HOMER1: variants seen among roughly 807,000 people sequenced by gnomAD.
HOMER1 encodes homer scaffold protein 1.
Under a neutral mutation model 48.9 loss-of-function variants are expected in HOMER1, and 3 were observed. The observed-to-expected ratio is 0.06, with a 90% CI of 0.03 to 0.16. The LOEUF is 0.16. Among genes scored for constraint, HOMER1 ranks in the 10% least tolerant of loss-of-function variants. HOMER1 has a pLI of 1.00. For missense variants in HOMER1, 247 were observed against 411.4 expected (o/e 0.60, Z 3.46); for synonymous variants, 134 against 146.4 (o/e 0.92, Z 0.61).
chr5:79,406,812 A>G (rs760822081), intron 5 of HOMER1, among the ~76,000 whole-genome samples: 2 of 152,208 alleles, frequency 1.3e-5, no homozygotes, highest in African/African-American at 2.4e-5. Flanking sequence ...CTCCTACACA[A>G]GACTCTCAAC....
intron 5 of HOMER1, among the ~76,000 whole-genome samples, chr5:79,402,400 C>T (rs1294689475): frequency 6.6e-6 from 1 of 152,100 alleles, no homozygotes; most frequent in Non-Finnish European, 1.5e-5. Flanking sequence ...AACTCCTGAC[C>T]TCAGGTGATC....
At chr5:79,383,221 T>C (rs1749025645) in intron 8 of HOMER1, among the ~76,000 whole-genome samples, 1 of 152,018 alleles carries the variant, frequency 6.6e-6, no homozygotes, top group Non-Finnish European at 1.5e-5. Flanking sequence ...AAAGTAAATA[T>C]TACTAGATTG....
intron 1 of HOMER1, among the ~76,000 whole-genome samples, chr5:79,490,756 ACC>A (rs1402967264): frequency 1.4e-5 from 2 of 141,588 alleles, no homozygotes; most frequent in Admixed American, 7.3e-5. Flanking sequence ...GTATAGCAAG[ACC>A]CCATCTCTAC....
chr5:79,402,015 G>C lies in HOMER1; in HGVS notation c.568C>G (p.Leu190Val), dbSNP rs1462051592. 1.2e-6 allele frequency: 2 copies of C among 1,613,862 alleles called. No individual in the cohort carries two copies. The highest frequency in any genetic ancestry group is 1.7e-5 in the Admixed American group (1 of 60,006). The change falls in exon 6 of 9, where the codon CTC becomes GTC. Residue 190 changes from leucine to valine, a missense_variant. Around this residue, in one of 4 missense-constraint regions of HOMER1, gnomAD observed 94 missense variants for 112.4 expected, o/e 0.84. Coordinates refer to ENST00000334082, the MANE Select transcript of HOMER1 (RefSeq NM_004272.5). ...GTGAGTTTGGCATTATTTCCTTTGA[G>C]GGTAGCCAGTTCAGCCTCCCAATGT... is the stretch of plus-strand genomic sequence containing the variant. ...SKHWEAELAT[L>V]KGNNAKLTAA... is the part of the protein sequence containing the mutation.
intron 1 of HOMER1, among the ~76,000 whole-genome samples, chr5:79,479,965 G>T (rs1751900947): frequency 6.6e-6 from 1 of 152,274 alleles, no homozygotes; most frequent in South Asian, 2.1e-4. Flanking sequence ...GTAATTTGAT[G>T]AAAATTAAAG....
At chr5:79,388,105 C>G (rs1434266847) in intron 8 of HOMER1, among the ~76,000 whole-genome samples, 1 of 151,780 alleles carries the variant, frequency 6.6e-6, no homozygotes, top group Non-Finnish European at 1.5e-5. Flanking sequence ...GTGTGAATGC[C>G]AGAATACTGA....
At chr5:79,455,568 C>G (rs1751151893) in intron 2 of HOMER1, among the ~76,000 whole-genome samples, 1 of 152,174 alleles carries the variant, frequency 6.6e-6, no homozygotes, top group Non-Finnish European at 1.5e-5. Flanking sequence ...AAACCTCTTT[C>G]CTTTATAAAT....
intron 6 of HOMER1, among the ~76,000 whole-genome samples, chr5:79,399,112 A>C (rs552335523): frequency 6.6e-6 from 1 of 152,332 alleles, no homozygotes; most frequent in East Asian, 1.9e-4. Flanking sequence ...AATAGTTTTT[A>C]TTGGAGTAAC....
intron 1 of HOMER1, among the ~76,000 whole-genome samples, chr5:79,458,285 T>G (rs1157373707): frequency 3.9e-5 from 6 of 152,078 alleles, no homozygotes. Context: ...TTATCAAGCT[T>G]GTTTTTTTAA....
chr5:79,457,145 A>C (rs1201921833), intron 1 of HOMER1, 127 bp from the exon 2 acceptor site: 11 of 861,956 alleles, frequency 1.3e-5, no homozygotes, highest in Non-Finnish European at 2.0e-5. Flanking sequence ...AAGTAAGAGA[A>C]ACTTTCAAAT....
At chr5:79,451,556 CTTTTT>C (rs71615542) in intron 2 of HOMER1, among the ~76,000 whole-genome samples, 4 of 64,640 alleles carry the variant, frequency 6.2e-5, no homozygotes, top group East Asian at 6.5e-4. Flanking sequence ...AAATATGACA[CTTTTT>C]TTTTTTTTTT....
intron 5 of HOMER1, among the ~76,000 whole-genome samples, chr5:79,433,766 G>T (rs1305050761): frequency 6.6e-6 from 1 of 152,090 alleles, no homozygotes; most frequent in Non-Finnish European, 1.5e-5. Flanking sequence ...GTTTTAGAGT[G>T]TTTCTAAAAC....
At chr5:79,476,515 G>A (rs1441839657) in intron 1 of HOMER1, among the ~76,000 whole-genome samples, 2 of 152,106 alleles carry the variant, frequency 1.3e-5, no homozygotes, top group Non-Finnish European at 2.9e-5. Context: ...CAGAAATTCT[G>A]ACCAACTGGC....
chr5:79,487,661 T>C (rs182338085), intron 1 of HOMER1, among the ~76,000 whole-genome samples: 131 of 152,232 alleles, frequency 8.6e-4, no homozygotes, highest in Non-Finnish European at 1.4e-3. Context: ...TCCACAAACA[T>C]AACAACCAAA....
intron 8 of HOMER1, among the ~76,000 whole-genome samples, chr5:79,389,310 G>A (rs1320521953): frequency 6.6e-6 from 1 of 152,108 alleles, no homozygotes; most frequent in East Asian, 1.9e-4. Flanking sequence ...CAGAAAGTAT[G>A]TATCCATGAG....
intron 1 of HOMER1, among the ~76,000 whole-genome samples, chr5:79,498,661 A>G (rs543402796): frequency 3.3e-4 from 50 of 152,332 alleles, no homozygotes; most frequent in South Asian, 6.2e-4. Flanking sequence ...CAATGGCAGC[A>G]TAAGAGTTTG....
At chr5:79,405,021 T>C (rs1749629048) in intron 5 of HOMER1, among the ~76,000 whole-genome samples, 1 of 152,134 alleles carries the variant, frequency 6.6e-6, no homozygotes, top group Admixed American at 6.5e-5. Flanking sequence ...GATTGCCTCT[T>C]CGATTCTGTG....
rs1752919539 is a variant in HOMER1 at position 79,510,778 on chromosome 5, A to T, written c.5+1992T>A. The T allele has an allele frequency of 1.8e-5, 14 of 757,302 alleles. No individual in the cohort carries two copies. The South Asian group carries it at 1.9e-4, about 10-fold the overall frequency. The allele number at this position is 757,302 out of a possible 1,614,324, so 46.9% of individuals were successfully genotyped here. A position where few individuals can be genotyped will look rare whatever the true frequency, so the allele number is the denominator to read the frequency against. On this transcript the variant is annotated intron_variant, in intron 1 of 8. Coordinates refer to ENST00000334082, the MANE Select transcript of HOMER1 (RefSeq NM_004272.5). ...TCGTGCCCGCATTGCCAAGGGGCTC[A>T]GGGTGTGCTGGCCAAAGGCCAAGGA...
intron 4 of HOMER1, among the ~76,000 whole-genome samples, chr5:79,446,210 C>A (rs1313818090): frequency 6.6e-6 from 1 of 152,170 alleles, no homozygotes; most frequent in Non-Finnish European, 1.5e-5. Context: ...TAACTTAATC[C>A]ATCCCAGGGC....
Sources: gnomAD v4.1 joint callset for allele counts (sites outside exome capture counted in the v4.1 genomes callset) on GRCh38, gnomAD v4.1.1 for gene constraint, gnomAD v4.1.1 regional missense constraint, MANE v1.5 for transcripts, NCBI Gene and HGNC (gene_info 2026-07-23, HGNC 2026-07-21) for gene names.